RGS6: variants seen among roughly 807,000 people sequenced by gnomAD.
RGS6 encodes the protein regulator of G-protein signaling 6.
In RGS6, 30 loss-of-function variants were observed where a neutral mutation model predicts 78.5. The ratio of observed to expected loss-of-function variants is 0.38; its 90% CI spans 0.29 to 0.52. The LOEUF is 0.52. Ranked by LOEUF, RGS6 falls within the 20% of genes least tolerant of loss-of-function variation. RGS6 has a pLI of 0.85. For missense variants in RGS6, 495 were observed against 609.7 expected, an observed-to-expected ratio of 0.81 and a Z score of 1.98; for synonymous variants, 206 against 206.0, an observed-to-expected ratio of 1.00 and a Z score of 0.00.
chr14:72,055,891 G>C (rs1338375421), intron 2 of RGS6, among the ~76,000 whole-genome samples: 3 of 152,198 alleles, frequency 2.0e-5, no homozygotes, highest in Non-Finnish European at 4.4e-5. Context: ...GGTGTTTGTT[G>C]TTGGTAGAAG....
At chr14:72,547,990 A>G (rs2097433960) in intron 17 of RGS6, among the ~76,000 whole-genome samples, 1 of 152,168 alleles carries the variant, frequency 6.6e-6, no homozygotes, top group Admixed American at 6.5e-5. Flanking sequence ...AGCAATGCCC[A>G]TTCCTGCCTC....
At chr14:72,471,561 G>T (rs1285725135) in intron 8 of RGS6, among the ~76,000 whole-genome samples, 1 of 152,192 alleles carries the variant, frequency 6.6e-6, no homozygotes, top group African/African-American at 2.4e-5. Context: ...CTGGAGCCGG[G>T]TCTCAGGCTG....
intron 2 of RGS6, among the ~76,000 whole-genome samples, chr14:72,024,562 G>A (rs2089448493): frequency 1.3e-5 from 2 of 152,080 alleles, no homozygotes; most frequent in Non-Finnish European, 1.5e-5. Context: ...TTGCACTCAC[G>A]GGTTGAAAAA....
chr14:72,306,829 G>T lies in RGS6; in HGVS notation c.85-45266G>T, dbSNP rs143096500. Among the ~76,000 whole-genome samples the T allele has an allele frequency of 9.3e-3, 1,417 of 152,308 alleles. 10 individuals are homozygous for T. The highest frequency in any genetic ancestry group is 0.023 in the South Asian group (112 of 4,828). ...TCCTGGTGAAAATGCTATGAACATT[G>T]TTGAAATGACAACAAAGTATTTAGA... On this transcript the variant is annotated intron_variant, in intron 2 of 17. Coordinates refer to ENST00000553525, the MANE Select transcript of RGS6 (RefSeq NM_001204424.2).
At chr14:72,614,612 G>A in the RGS6 span, among the ~76,000 whole-genome samples, 1 of 151,920 alleles carries the variant, frequency 6.6e-6, no homozygotes, top group African/African-American at 2.4e-5. Context: ...TCCCCAGCTG[G>A]GTGAGGGGCT....
intron 3 of RGS6, among the ~76,000 whole-genome samples, chr14:72,376,449 C>T (rs895153407): frequency 3.9e-5 from 6 of 152,228 alleles, no homozygotes; most frequent in South Asian, 4.1e-4. Flanking sequence ...TGAAATAATA[C>T]GTGAAAACTT....
At chr14:72,410,024 A>T (rs1433958548) in intron 3 of RGS6, among the ~76,000 whole-genome samples, 1 of 152,210 alleles carries the variant, frequency 6.6e-6, no homozygotes, top group East Asian at 1.9e-4. Context: ...CAATAAACAT[A>T]CATGTGCATG....
At chr14:72,476,197 G>GT (rs1206716502) in intron 10 of RGS6, among the ~76,000 whole-genome samples, 33 of 152,318 alleles carry the variant, frequency 2.2e-4, no homozygotes, top group Admixed American at 1.8e-3. Context: ...CCAGAAAACT[G>GT]TTTAACTTGA....
chr14:72,490,486 G>A (rs947978134), intron 12 of RGS6, among the ~76,000 whole-genome samples: 2 of 152,182 alleles, frequency 1.3e-5, no homozygotes, highest in Non-Finnish European at 2.9e-5. Flanking sequence ...GAGATTTATA[G>A]GACAGAGGAT....
At chr14:72,443,477 A>G (rs910185933) in intron 3 of RGS6, among the ~76,000 whole-genome samples, 1 of 152,238 alleles carries the variant, frequency 6.6e-6, no homozygotes, top group Non-Finnish European at 1.5e-5. Flanking sequence ...TTGCTGTGCT[A>G]ACCCTGTGGT....
chr14:72,228,163 G>T (rs574473121), intron 2 of RGS6, among the ~76,000 whole-genome samples: 1 of 152,228 alleles, frequency 6.6e-6, no homozygotes, highest in South Asian at 2.1e-4. Context: ...TAGATAACTT[G>T]AGGCCAGGAG....
At chr14:72,569,607 G>T (rs1443952242), downstream of RGS6, among the ~76,000 whole-genome samples, 1 of 151,370 alleles carries the variant, frequency 6.6e-6, no homozygotes, top group African/African-American at 2.4e-5. Flanking sequence ...TTGAACCCAG[G>T]AGGTGGAGGT....
intron 2 of RGS6, among the ~76,000 whole-genome samples, chr14:72,051,443 G>A (rs1200153720): frequency 6.6e-6 from 1 of 152,022 alleles, no homozygotes; most frequent in Non-Finnish European, 1.5e-5. Flanking sequence ...AGGAAAAACT[G>A]TTAGGAGATA....
intron 3 of RGS6, among the ~76,000 whole-genome samples, chr14:72,366,876 C>T (rs1194504492): frequency 6.6e-6 from 1 of 152,196 alleles, no homozygotes; most frequent in African/African-American, 2.4e-5. Context: ...GCCCAGCTGT[C>T]ATAGACAGTC....
the RGS6 span, among the ~76,000 whole-genome samples, chr14:72,575,950 T>C: frequency 1.3e-5 from 2 of 152,248 alleles, no homozygotes; most frequent in Admixed American, 6.5e-5. Context: ...GCTCCAAGAA[T>C]GTCTTCTCAG....
chr14:72,293,758 A>G (rs1364676537), intron 2 of RGS6, among the ~76,000 whole-genome samples: 1 of 152,232 alleles, frequency 6.6e-6, no homozygotes, highest in African/African-American at 2.4e-5. Context: ...AATATCAGAC[A>G]TGGGCTAAGC....
chr14:72,428,686 C>G (rs1198404706), intron 3 of RGS6, among the ~76,000 whole-genome samples: 2 of 152,182 alleles, frequency 1.3e-5, no homozygotes, highest in Admixed American at 1.3e-4. Flanking sequence ...AGCCTTGCTG[C>G]AACAGATAGG....
Position 72,371,532 on chromosome 14 carries a change from C to T in RGS6, c.184+19338C>T, listed in dbSNP as rs542215335. Among the ~76,000 whole-genome samples the T allele has an allele frequency of 2.6e-5, 4 of 152,238 alleles. No individual in the cohort carries two copies. The East Asian group carries it at 5.8e-4, about 22-fold the overall frequency. ...ATCGCAGCACTTTTGGAGGCCAAGG[C>T]GGGCGGATCACCTGAGGTTGGGAGT... On this transcript the variant is annotated intron_variant, in intron 3 of 17. Transcript: ENST00000553525.
chr14:72,253,271 A>G (rs1269240346), intron 2 of RGS6, among the ~76,000 whole-genome samples: 1 of 152,260 alleles, frequency 6.6e-6, no homozygotes, highest in Non-Finnish European at 1.5e-5. Flanking sequence ...AGATAGGGCA[A>G]AACAGAGCCA....
Sources: allele counts gnomAD v4.1 joint callset (sites outside exome capture counted in the v4.1 genomes callset), GRCh38; gene constraint gnomAD v4.1.1; transcripts MANE v1.5; gene names NCBI Gene and HGNC (gene_info 2026-07-23, HGNC 2026-07-21).